MDH2: variants seen among roughly 807,000 people sequenced by gnomAD.
MDH2 encodes the protein malate dehydrogenase 2, also known as malate dehydrogenase, mitochondrial.
MDH2 carries 25 observed loss-of-function variants against 33.6 expected under a neutral mutation model. That is an observed-to-expected ratio of 0.74 (90% CI 0.54 to 1.04). MDH2 has a LOEUF of 1.04. Among genes scored for constraint, MDH2 ranks in the 50% least tolerant of loss-of-function variants. The probability of loss-of-function intolerance (pLI) is 0.00; values close to 1 mark genes in which losing one functional copy is unlikely to be tolerated. For missense variants in MDH2, 432 were observed against 445.0 expected (o/e 0.97, Z 0.26); for synonymous variants, 193 against 188.7 (o/e 1.02, Z -0.19).
At chr7:76,048,333 A>G in intron 1 of MDH2, 107 bp downstream of exon 1, 1 of 1,401,442 alleles carries the variant, frequency 7.1e-7, no homozygotes, top group Non-Finnish European at 9.4e-7. Flanking sequence ...CCTGGACCGC[A>G]GGGATGCCCG....
intron 1 of MDH2, among the ~76,000 whole-genome samples, chr7:76,052,686 C>T (rs190600815): frequency 6.0e-5 from 9 of 150,532 alleles, no homozygotes; most frequent in African/African-American, 1.5e-4. Flanking sequence ...CTAGGATTAC[C>T]GGTGCGCGCC....
chr7:76,054,799 C>T (rs192888757), intron 1 of MDH2, 31 bp from the exon 2 acceptor site: 1 of 1,613,458 alleles, frequency 6.2e-7, no homozygotes, highest in Non-Finnish European at 8.5e-7. Context: ...TCATTTCCTC[C>T]TAAGAGTCCT....
rs1554588125 is a variant in MDH2 at position 76,067,424 on chromosome 7, C to A, written c.*1014C>A. ...TGGATTTTATCATAAAGGATGACAT[C>A]GTTTTCTTCTACAATTAATACATGT... On this transcript the variant is annotated 3_prime_UTR_variant, in exon 9 of 9. Coordinates refer to ENST00000315758, the MANE Select transcript of MDH2 (RefSeq NM_005918.4). The A allele has an allele frequency of 1.3e-5, 2 of 152,074 alleles. No individual in the cohort carries two copies. The highest frequency in any genetic ancestry group is 2.9e-5 in the Non-Finnish European group (2 of 67,996). The allele number at this position is 152,074 out of a possible 1,614,324, so 9.4% of individuals were successfully genotyped here.
intron 2 of MDH2, 95 bp from the exon 3 acceptor site, chr7:76,057,315 C>G: frequency 7.8e-7 from 1 of 1,276,654 alleles, no homozygotes. Context: ...TAGCCTTTCT[C>G]GAGGCCATTA....
intron 1 of MDH2, among the ~76,000 whole-genome samples, chr7:76,051,806 A>G (rs1797635175): frequency 6.6e-6 from 1 of 152,236 alleles, no homozygotes; most frequent in African/African-American, 2.4e-5. Flanking sequence ...TCGGTTTTCA[A>G]CACAGTTGCC....
intron 1 of MDH2, among the ~76,000 whole-genome samples, chr7:76,053,184 A>C (rs1428369250): frequency 1.3e-5 from 2 of 152,188 alleles, no homozygotes; most frequent in Admixed American, 1.3e-4. Flanking sequence ...AGGAGGTGGC[A>C]GAAGATGGTT....
At chr7:76,061,806 G>T (rs1162766412) in intron 5 of MDH2, among the ~76,000 whole-genome samples, 1 of 152,130 alleles carries the variant, frequency 6.6e-6, no homozygotes, top group Non-Finnish European at 1.5e-5. Flanking sequence ...GTTCATTCTC[G>T]TGGGCTCTCA....
At chr7:76,065,654 C>A (rs1444383261) in intron 8 of MDH2, among the ~76,000 whole-genome samples, 1 of 152,152 alleles carries the variant, frequency 6.6e-6, no homozygotes, top group African/African-American at 2.4e-5. Context: ...GAGACGCACC[C>A]GGTTCTCATA....
intron 1 of MDH2, 136 bp from the exon 2 acceptor site, chr7:76,054,694 T>C: frequency 1.0e-6 from 1 of 998,834 alleles, no homozygotes; most frequent in Non-Finnish European, 1.5e-6. Flanking sequence ...AGAATGAGAC[T>C]GTTACAAATA....
chr7:76,052,414 G>C (rs1380689868), intron 1 of MDH2, among the ~76,000 whole-genome samples: 1 of 128,718 alleles, frequency 7.8e-6, no homozygotes, highest in Non-Finnish European at 1.6e-5. Flanking sequence ...CTGGGTGAGA[G>C]AGGGAGACCC....
At position 76,064,929 on chromosome 7, in the gene MDH2, C is replaced by A; in HGVS notation, c.861C>A (p.Tyr287Ter). 1 of 1,614,196 alleles carries A rather than the reference C, an allele frequency of 6.2e-7. No homozygotes were observed. Reference protein sequence around the residue: ...FVKSQETECTYFSTPLLLGKK... With the variant: ...FVKSQETECT ...AGTCACAGGAAACGGAATGTACCTA[C>A]TTCTCCACACCGCTGCTGCTTGGGG... Residue 287 changes from tyrosine to a stop codon, truncating the protein, a stop_gained, in exon 8 of 9, where the codon TAC (tyrosine) becomes TAA (stop). Coordinates refer to ENST00000315758, the MANE Select transcript of MDH2 (RefSeq NM_005918.4). LOFTEE classifies it high-confidence loss of function.
intron 2 of MDH2, among the ~76,000 whole-genome samples, chr7:76,055,464 A>G (rs1554586129): frequency 6.6e-6 from 1 of 152,190 alleles, no homozygotes; most frequent in Non-Finnish European, 1.5e-5. Context: ...GACTTAGTGC[A>G]GTGGCTTATA....
At chr7:76,051,470 C>CG in intron 1 of MDH2, among the ~76,000 whole-genome samples, 1 of 151,916 alleles carries the variant, frequency 6.6e-6, no homozygotes. Flanking sequence ...TACAGGCATG[C>CG]GCCACCATGC....
rs1338260418 is a variant in MDH2, at chr7:76,048,143, G to GC, written c.-14dup. ...CCAGCTCCTGTGCCTGCCAGTCGGT[G>GC]CCCCTCCCGCTCCAGCCATGCTCTC... On this transcript the variant is annotated 5_prime_UTR_variant, in exon 1 of 9. Transcript: ENST00000315758. 1 of 1,536,484 alleles carries GC rather than the reference G, an allele frequency of 6.5e-7. No individual in the cohort carries two copies. The highest frequency in any genetic ancestry group is 8.7e-7 in the Non-Finnish European group (1 of 1,146,462).
At chr7:76,052,904 G>A (rs376433605) in intron 1 of MDH2, among the ~76,000 whole-genome samples, 8 of 151,890 alleles carry the variant, frequency 5.3e-5, no homozygotes, top group African/African-American at 1.7e-4. Flanking sequence ...ATGCAATGGC[G>A]CCATCATGGC....
chr7:76,049,179 C>T (rs1334343454), intron 1 of MDH2: 13 of 883,844 alleles, frequency 1.5e-5, no homozygotes, highest in Non-Finnish European at 1.8e-5. Context: ...TACAAATGCT[C>T]CTGGATTGAT....
intron 2 of MDH2, among the ~76,000 whole-genome samples, chr7:76,055,702 A>G (rs1797752764): frequency 6.6e-6 from 1 of 150,898 alleles, no homozygotes. Context: ...ACACCACTGC[A>G]CTTCAGCCTA....
Position 76,066,469 on chromosome 7 carries a change from C to G in MDH2, c.*59C>G. ...ATGAAGGCATCATGTCACTGCAAAG[C>G]CGTTGCAGATAAACTTTGTATTTTA... On this transcript the variant is annotated 3_prime_UTR_variant, in exon 9 of 9. Coordinates refer to ENST00000315758, the MANE Select transcript of MDH2 (RefSeq NM_005918.4). 1 of 1,544,116 alleles carries G rather than the reference C, an allele frequency of 6.5e-7. No homozygotes were observed. Among genetic ancestry groups the G allele is most frequent in the Non-Finnish European group, 8.7e-7 (1 of 1,143,294 alleles).
intron 4 of MDH2, 56 bp downstream of exon 4, chr7:76,058,134 G>T: frequency 6.7e-7 from 1 of 1,497,196 alleles, no homozygotes. Flanking sequence ...GGTGCTGACA[G>T]TGCGTGAAAA....
Sources: allele counts gnomAD v4.1 joint callset (sites outside exome capture counted in the v4.1 genomes callset), GRCh38; gene constraint gnomAD v4.1.1; transcripts MANE v1.5; gene names NCBI Gene and HGNC (gene_info 2026-07-23, HGNC 2026-07-21).